Variants in ZNF155 observed in about 807,000 individuals in gnomAD.
ZNF155 encodes the protein zinc finger protein 155, also known as KRAB A domain.
ZNF155 carries 15 observed loss-of-function variants against 11.9 expected under a neutral mutation model. That is an observed-to-expected ratio of 1.26 (90% CI 0.84 to 1.94). The LOEUF (loss-of-function observed/expected upper bound fraction) is 1.94, where lower values mean the gene tolerates loss of function less well. ZNF155 is among the 30% of genes most tolerant of loss of function. The pLI, the probability that ZNF155 is intolerant of heterozygous loss-of-function variation, is 0.00. For synonymous variants in ZNF155, 212 were observed against 219.9 expected, an observed-to-expected ratio of 0.96 and a Z score of 0.32; for missense variants, 602 against 639.1, an observed-to-expected ratio of 0.94 and a Z score of 0.63.
In ZNF155 at chr19:43,991,647, G is replaced by A. The variant is rs1486574639; in HGVS notation, c.115G>A (p.Glu39Lys). 6.2e-7 allele frequency: 1 copy of A among 1,614,102 alleles called. No individual in the cohort carries two copies. Residue 39 changes from glutamate to lysine, a missense_variant, in exon 3 of 5, where the codon GAG (glutamate) becomes AAG (lysine). Physicochemically the swap from Glu to Lys is moderately conservative, Grantham distance 56 (BLOSUM62 1). Coordinates refer to ENST00000270014, the MANE Select transcript of ZNF155 (RefSeq NM_198089.3). The stretch of plus-strand genomic sequence containing the variant: ...GAAGCTGTACCGAGATGTGATGCTG[G>A]AGAACTTCAGGAACCTGCTCTCAGT... ...QRKLYRDVML[E>K]NFRNLLSVGH...
chr19:43,991,026 G>A (rs1054939724), intron 2 of ZNF155, among the ~76,000 whole-genome samples: 1 of 152,162 alleles, frequency 6.6e-6, no homozygotes. Context: ...CAGGAACATT[G>A]CATTGCTAGC....
chr19:43,994,956 A>G (rs1191105251), intron 4 of ZNF155, among the ~76,000 whole-genome samples: 1 of 152,116 alleles, frequency 6.6e-6, no homozygotes, highest in East Asian at 1.9e-4. Flanking sequence ...GCCAGTTGCA[A>G]CCATAAATTA....
chr19:43,991,727 T>C (rs1975673104), intron 3 of ZNF155, 53 bp downstream of exon 3: 2 of 1,609,738 alleles, frequency 1.2e-6, no homozygotes, highest in Non-Finnish European at 1.7e-6. Flanking sequence ...AGTGGTTTTG[T>C]ACCTTAGAGT....
chr19:43,989,134 T>C (rs568877879), intron 2 of ZNF155, among the ~76,000 whole-genome samples: 3 of 152,346 alleles, frequency 2.0e-5, no homozygotes, highest in South Asian at 2.1e-4. Flanking sequence ...ATGTACCACA[T>C]TGGCTGTTTT....
In ZNF155 at chr19:43,991,750, G is replaced by A. The variant is rs1264674188; in HGVS notation, c.142+76G>A. On this transcript the variant is annotated intron_variant, in intron 3 of 4. Transcript: ENST00000270014. ...TGTACCTTAGAGTGTTCAAGTTTGA[G>A]TGTGCATTGGGAACCTAAATAGCCA... The A allele has an allele frequency of 3.1e-6, 5 of 1,607,110 alleles. No homozygotes were observed. The African/African-American group carries it at 6.7e-5, about 21-fold the overall frequency.
chr19:43,988,608 T>C (rs1234262504), intron 2 of ZNF155, 50 bp downstream of exon 2: 2 of 1,571,536 alleles, frequency 1.3e-6, no homozygotes, highest in Non-Finnish European at 1.7e-6. Context: ...TCACTACTCA[T>C]ATTTTCATGT....
chr19:43,987,709 C>T, intron 1 of ZNF155, among the ~76,000 whole-genome samples: 1 of 152,198 alleles, frequency 6.6e-6, no homozygotes, highest in Non-Finnish European at 1.5e-5. Context: ...GGCATTCACT[C>T]TAAAAATGAA....
At chr19:43,995,252 C>G (rs145754284) in intron 4 of ZNF155, among the ~76,000 whole-genome samples, 1 of 152,096 alleles carries the variant, frequency 6.6e-6, no homozygotes, top group Non-Finnish European at 1.5e-5. Flanking sequence ...GCTGGGACTA[C>G]AGGCATGTGC....
Position 43,997,619 on chromosome 19 carries a change from T to C in ZNF155, c.*145T>C, listed in dbSNP as rs1004086976. 8.4e-6 allele frequency: 7 copies of C among 828,550 alleles called. No homozygotes were observed. The highest frequency in any genetic ancestry group is 2.0e-5 in the South Asian group (1 of 50,698). The allele number at this position is 828,550 out of a possible 1,614,324, so 51.3% of individuals were successfully genotyped here. On this transcript the variant is annotated 3_prime_UTR_variant, in exon 5 of 5. Coordinates refer to ENST00000270014, the MANE Select transcript of ZNF155 (RefSeq NM_198089.3). ...AAATTCAAAATCCATTTGAGAGGAG[T>C]TGGTAGACAGCAAGGGAAGGGTCCC...
At chr19:43,985,327 C>T (rs1975398826) in intron 1 of ZNF155, among the ~76,000 whole-genome samples, 1 of 152,078 alleles carries the variant, frequency 6.6e-6, no homozygotes, top group Non-Finnish European at 1.5e-5. Flanking sequence ...TCCCAAAGTG[C>T]TGGAATTACA....
At chr19:43,995,742 T>C (rs1449199243) in intron 4 of ZNF155, among the ~76,000 whole-genome samples, 1 of 152,228 alleles carries the variant, frequency 6.6e-6, no homozygotes, top group East Asian at 1.9e-4. Flanking sequence ...GTTATTGCTT[T>C]TCCTTAAAGT....
In ZNF155 at chr19:43,997,099, A is replaced by G; in HGVS notation, c.1242A>G (p.Gln414=). Residue 414 remains glutamine (Q), a synonymous_variant, in exon 5 of 5, where the codon CAA becomes CAG. Transcript: ENST00000270014. ...ECGKGFYTNS[Q]LSSHQRSHSG... is the part of the protein sequence containing the mutation. ...GAAAGGGATTTTATACAAATTCACAACTGTCTTCCCATCAGAGATCCCACA... is the reference window on the plus strand; with the variant it reads ...GAAAGGGATTTTATACAAATTCACAGCTGTCTTCCCATCAGAGATCCCACA... 1 of 1,613,506 alleles carries G rather than the reference A, an allele frequency of 6.2e-7. No homozygotes were observed.
chr19:43,987,183 A>G (rs1382472280), intron 1 of ZNF155, among the ~76,000 whole-genome samples: 1 of 152,242 alleles, frequency 6.6e-6, no homozygotes, highest in African/African-American at 2.4e-5. Flanking sequence ...ATATTCCATA[A>G]CATCATGTTA....
rs999244535 is a variant in ZNF155 at position 43,984,866 on chromosome 19, C to G, written c.-86+621C>G. Among the ~76,000 whole-genome samples the G allele has an allele frequency of 2.0e-5, 3 of 152,024 alleles. No homozygotes were observed. The East Asian group carries it at 5.8e-4, about 29-fold the overall frequency. ...AGGCGTGGGTTGCATCCACGTTTCA[C>G]GAAGGGAGAGGAGCATTTAACTTGT... On this transcript the variant is annotated intron_variant, in intron 1 of 4. Transcript: ENST00000270014.
intron 1 of ZNF155, among the ~76,000 whole-genome samples, chr19:43,985,035 GTTAT>G (rs1975387188): frequency 6.6e-6 from 1 of 152,158 alleles, no homozygotes; most frequent in Non-Finnish European, 1.5e-5. Flanking sequence ...TTAAAAAAAA[GTTAT>G]TTATTTTGTT....
At chr19:43,985,106 T>G (rs1245296905) in intron 1 of ZNF155, among the ~76,000 whole-genome samples, 2 of 152,222 alleles carry the variant, frequency 1.3e-5, no homozygotes, top group Admixed American at 6.5e-5. Context: ...TCTCCCAGGC[T>G]GGAGTGCAGC....
In ZNF155 at chr19:43,993,526, G is replaced by GCC. The variant is rs374274927; in HGVS notation, c.235+1593_235+1594dup. ...CCTCCCAGGTTCAAGTGATTCTCCT[G>GCC]CCTCACCCTCATAAGTAGCTGGAAT... On this transcript the variant is annotated intron_variant, in intron 4 of 4. Transcript: ENST00000270014. 5.0e-4 allele frequency among the ~76,000 whole-genome samples: 76 copies of GCC among 152,210 alleles called. 1 individual carries two copies. The highest frequency in any genetic ancestry group is 1.8e-3 in the African/African-American group (74 of 41,536).
intron 4 of ZNF155, among the ~76,000 whole-genome samples, chr19:43,995,136 C>T (rs1362628788): frequency 3.3e-5 from 5 of 150,402 alleles, no homozygotes; most frequent in East Asian, 1.9e-4. Context: ...GGCAGAGTCT[C>T]GCTCTATCTC....
intron 4 of ZNF155, among the ~76,000 whole-genome samples, chr19:43,993,942 A>G (rs1319184131): frequency 6.6e-6 from 1 of 152,206 alleles, no homozygotes; most frequent in Non-Finnish European, 1.5e-5. Context: ...AACCCGGACA[A>G]ACATTTTTCA....
Sources: allele counts gnomAD v4.1 joint callset (sites outside exome capture counted in the v4.1 genomes callset), GRCh38; gene constraint gnomAD v4.1.1; transcripts MANE v1.5; gene names NCBI Gene and HGNC (gene_info 2026-07-23, HGNC 2026-07-21).